Variants in EPHB1 observed in about 807,000 individuals in gnomAD.
The protein encoded by EPHB1 is ephrin type-B receptor 1.
In EPHB1, 30 loss-of-function variants were observed where a neutral mutation model predicts 94.4. The ratio of observed to expected loss-of-function variants is 0.32; its 90% confidence interval spans 0.24 to 0.43. EPHB1 has a LOEUF of 0.43. Ranked by LOEUF, EPHB1 falls within the 20% of genes least tolerant of loss-of-function variation. EPHB1 has a pLI of 1.00. For missense variants in EPHB1, 1,055 were observed against 1,308.3 expected, an observed-to-expected ratio of 0.81 and a Z score of 2.99; for synonymous variants, 522 against 489.1, an observed-to-expected ratio of 1.07 and a Z score of -0.89.
In EPHB1 at chr3:135,246,069, G is replaced by A. The variant is rs970682456; in HGVS notation, c.2497-2247G>A. 7.2e-5 allele frequency among the ~76,000 whole-genome samples: 11 copies of A among 152,230 alleles called. No homozygotes were observed. The East Asian group carries it at 1.9e-3, about 27-fold the overall frequency. ...CAGGTGGTAAAGCTGTCTTGTCAGTGAGGAAAATTAGTATCTGGGGCTCTA... is the reference window on the plus strand; with the variant it reads ...CAGGTGGTAAAGCTGTCTTGTCAGTAAGGAAAATTAGTATCTGGGGCTCTA... On this transcript the variant is annotated intron_variant, in intron 13 of 15. Transcript: ENST00000398015.
intron 1 of EPHB1, among the ~76,000 whole-genome samples, chr3:134,881,491 A>C (rs940086109): frequency 6.6e-6 from 1 of 152,104 alleles, no homozygotes; most frequent in African/African-American, 2.4e-5. Context: ...AAGCCGCCTC[A>C]CCTGGGGCCC....
intron 10 of EPHB1, among the ~76,000 whole-genome samples, chr3:135,190,515 A>G (rs1942427099): frequency 6.6e-6 from 1 of 152,236 alleles, no homozygotes; most frequent in South Asian, 2.1e-4. Context: ...CATATATGCT[A>G]CATATATACA....
chr3:135,135,109 T>C (rs1940571423), intron 5 of EPHB1, among the ~76,000 whole-genome samples: 1 of 152,144 alleles, frequency 6.6e-6, no homozygotes, highest in Non-Finnish European at 1.5e-5. Flanking sequence ...CCCTTTAATC[T>C]TAATCATCCC....
chr3:134,844,622 C>G (rs2036836188), intron 1 of EPHB1, among the ~76,000 whole-genome samples: 1 of 152,188 alleles, frequency 6.6e-6, no homozygotes, highest in Non-Finnish European at 1.5e-5. Context: ...CCTTCCCTAG[C>G]AGGACCTTCA....
chr3:134,823,280 A>G (rs1010003876), intron 1 of EPHB1, among the ~76,000 whole-genome samples: 1 of 152,240 alleles, frequency 6.6e-6, no homozygotes, highest in Non-Finnish European at 1.5e-5. Context: ...TAGCTGGCAG[A>G]TCGCAGGAGC....
rs768445899 is a variant in EPHB1, at chr3:135,166,020, A to C, written c.1638A>C (p.Ala546=). ...REQLPLIAGS[A]AAGVVFVVSL... ...AGCTGCCCCTGATTGCTGGCTCGGC[A>C]GCGGCCGGGGTCGTGTTCGTTGTGT... Residue 546 remains alanine (A), a synonymous_variant, in exon 8 of 16, where the codon GCA becomes GCC. Transcript: ENST00000398015. The C allele has an allele frequency of 1.9e-6, 3 of 1,613,860 alleles. No individual in the cohort carries two copies. Among genetic ancestry groups the C allele is most frequent in the Non-Finnish European group, 2.5e-6 (3 of 1,179,888 alleles).
chr3:134,959,581 T>C (rs1326806550), intron 3 of EPHB1, among the ~76,000 whole-genome samples: 1 of 152,202 alleles, frequency 6.6e-6, no homozygotes, highest in East Asian at 1.9e-4. Flanking sequence ...GCACTGTCCC[T>C]CTGCACAGGA....
chr3:134,955,120 A>ATTTTTTTTTTTTTTTTTTTTTTTT (rs1199292399), intron 3 of EPHB1, among the ~76,000 whole-genome samples: 1 of 7,328 alleles, frequency 1.4e-4, no homozygotes, highest in African/African-American at 8.6e-4. Context: ...TTTTTTTTTA[A>ATTTTTTTTTTTTTTTTTTTTTTTT]TTATACTCTA....
At chr3:135,024,898 T>C (rs1159402270) in intron 3 of EPHB1, among the ~76,000 whole-genome samples, 2 of 152,030 alleles carry the variant, frequency 1.3e-5, no homozygotes, top group African/African-American at 4.8e-5. Context: ...CTTGCCCCTT[T>C]CTATATTTTT....
chr3:134,891,252 G>A (rs564418146), intron 1 of EPHB1, among the ~76,000 whole-genome samples: 66 of 152,258 alleles, frequency 4.3e-4, no homozygotes, highest in African/African-American at 1.6e-3. Context: ...TGAGACTATA[G>A]GCATGCGCCA....
At chr3:134,901,595 G>A (rs901561184) in intron 1 of EPHB1, among the ~76,000 whole-genome samples, 2 of 152,216 alleles carry the variant, frequency 1.3e-5, no homozygotes, top group Non-Finnish European at 2.9e-5. Context: ...GGCCCATATG[G>A]GAAAGGCATC....
chr3:134,881,906 C>T (rs913811960), intron 1 of EPHB1, among the ~76,000 whole-genome samples: 1 of 151,984 alleles, frequency 6.6e-6, no homozygotes, highest in African/African-American at 2.4e-5. Context: ...GATGACTGAG[C>T]AAATGGAAAT....
At chr3:135,243,861 G>A (rs1038624785) in intron 13 of EPHB1, among the ~76,000 whole-genome samples, 12 of 152,152 alleles carry the variant, frequency 7.9e-5, no homozygotes, top group African/African-American at 2.9e-4. Context: ...GAGATAATGA[G>A]AGTGGCAGTG....
intron 3 of EPHB1, among the ~76,000 whole-genome samples, chr3:135,070,796 A>G (rs1433213365): frequency 6.6e-6 from 1 of 152,150 alleles, no homozygotes; most frequent in Admixed American, 6.5e-5. Context: ...TTGCATTCCT[A>G]AAGTTAAGTG....
At position 134,835,795 on chromosome 3, in the gene EPHB1, C is replaced by T. The variant is rs114127895; in HGVS notation, c.58+40106C>T. On this transcript the variant is annotated intron_variant, in intron 1 of 15. Coordinates refer to ENST00000398015, the MANE Select transcript of EPHB1 (RefSeq NM_004441.5). ...GAGCAGAAAAGGGGTGTCAAGATTTCTGGGGCTCCAAGGGCTCCATTCATT... is the reference window on the plus strand; with the variant it reads ...GAGCAGAAAAGGGGTGTCAAGATTTTTGGGGCTCCAAGGGCTCCATTCATT... 2.0e-3 allele frequency among the ~76,000 whole-genome samples: 297 copies of T among 152,246 alleles called. 2 individuals carry two copies. Among genetic ancestry groups the T allele is most frequent in the African/African-American group, 6.9e-3 (288 of 41,540 alleles).
Position 134,843,575 on chromosome 3 carries a change from ATCT to A in EPHB1, c.58+47893_58+47895del, listed in dbSNP as rs768574570. Among the ~76,000 whole-genome samples the A allele has an allele frequency of 2.2e-3, 330 of 151,974 alleles. 1 individual carries two copies. Among genetic ancestry groups the A allele is most frequent in the Non-Finnish European group, 3.8e-3 (256 of 67,952 alleles). ...TGAGGTTCTGTTGCCTTTTACTTTAATCTTCTTCTCTGTTCTTTGGACATGATA... is the reference window on the plus strand; with the variant it reads ...TGAGGTTCTGTTGCCTTTTACTTTAATCTTCTCTGTTCTTTGGACATGATA... On this transcript the variant is annotated intron_variant, in intron 1 of 15. Coordinates refer to ENST00000398015, the MANE Select transcript of EPHB1 (RefSeq NM_004441.5).
At chr3:135,204,194 T>G (rs1192687650) in intron 12 of EPHB1, among the ~76,000 whole-genome samples, 1 of 151,794 alleles carries the variant, frequency 6.6e-6, no homozygotes, top group Admixed American at 6.6e-5. Context: ...CTTAATTAAT[T>G]AAGTTTTTTA....
At chr3:134,914,571 G>T (rs550786373) in intron 1 of EPHB1, among the ~76,000 whole-genome samples, 7 of 152,246 alleles carry the variant, frequency 4.6e-5, no homozygotes, top group South Asian at 4.1e-4. Context: ...ACAGGACTCT[G>T]GGGGGAGGGT....
rs571320578 is a variant in EPHB1 at position 135,031,491 on chromosome 3, G to A, written c.806-74957G>A. Among the ~76,000 whole-genome samples, 6 of 152,218 alleles carry A rather than the reference G, an allele frequency of 3.9e-5. No homozygotes were observed. In the South Asian group the frequency reaches 8.3e-4, roughly 21 times the overall value. On this transcript the variant is annotated intron_variant, in intron 3 of 15. Coordinates refer to ENST00000398015, the MANE Select transcript of EPHB1 (RefSeq NM_004441.5). Reference sequence around the variant, plus strand: ...TGCCTGGCGAATTTTTGTATATTTTGTAGAGGCAGGGTTTCTCCACATTGT... The same window carrying A: ...TGCCTGGCGAATTTTTGTATATTTTATAGAGGCAGGGTTTCTCCACATTGT...
Sources: allele counts gnomAD v4.1 joint callset (sites outside exome capture counted in the v4.1 genomes callset), GRCh38; gene constraint gnomAD v4.1.1; transcripts MANE v1.5; gene names NCBI Gene and HGNC (gene_info 2026-07-23, HGNC 2026-07-21).